DYNLRB1: variants seen among roughly 807,000 people sequenced by gnomAD.
DYNLRB1 encodes ROBL/LC7-like 1.
Under a neutral mutation model 13.5 loss-of-function variants are expected in DYNLRB1, and 6 were observed. The observed-to-expected ratio is 0.44, with a 90% confidence interval of 0.24 to 0.88. DYNLRB1 has a LOEUF of 0.88. Among genes scored for constraint, DYNLRB1 ranks in the 40% least tolerant of loss-of-function variants. The probability of loss-of-function intolerance (pLI) is 0.21; values close to 1 mark genes in which losing one functional copy is unlikely to be tolerated. For synonymous variants in DYNLRB1, 43 were observed against 45.0 expected, an observed-to-expected ratio of 0.96 and a Z score of 0.18; for missense variants, 93 against 127.2, an observed-to-expected ratio of 0.73 and a Z score of 1.29.
chr20:34,521,632 G>A (rs1254915624), intron 1 of DYNLRB1, among the ~76,000 whole-genome samples: 2 of 152,124 alleles, frequency 1.3e-5, no homozygotes, highest in African/African-American at 2.4e-5. Context: ...CTTTATTGCT[G>A]CTTGTTTTTC....
At chr20:34,519,611 A>T (rs541939546) in intron 1 of DYNLRB1, among the ~76,000 whole-genome samples, 24 of 152,310 alleles carry the variant, frequency 1.6e-4, no homozygotes, top group African/African-American at 4.3e-4. Flanking sequence ...CTGTGTTATT[A>T]TATGCAGGTC....
chr20:34,536,396 A>ATT (rs1981143643), intron 3 of DYNLRB1: 4 of 985,276 alleles, frequency 4.1e-6, no homozygotes, highest in Non-Finnish European at 4.8e-6. Context: ...TTTAAACTGC[A>ATT]GTTCCTCCCA....
chr20:34,524,451 A>T (rs2146624190), intron 1 of DYNLRB1, among the ~76,000 whole-genome samples: 1 of 152,282 alleles, frequency 6.6e-6, no homozygotes, highest in African/African-American at 2.4e-5. Flanking sequence ...GCTATTGCAA[A>T]TGTCACTGTA....
At chr20:34,516,355 T>G, upstream of DYNLRB1, 2 of 1,489,192 alleles carry the variant, frequency 1.3e-6, no homozygotes, top group Non-Finnish European at 1.8e-6. Flanking sequence ...TGGCTCCTGA[T>G]AGGCAGCTAG....
chr20:34,534,579 G>T (rs190756215), intron 2 of DYNLRB1, 49 bp from the exon 3 acceptor site: 1 of 1,517,952 alleles, frequency 6.6e-7, no homozygotes, highest in Non-Finnish European at 8.8e-7. Context: ...GTGGGAGCTC[G>T]GCAGAAGGGG....
intron 2 of DYNLRB1, among the ~76,000 whole-genome samples, chr20:34,528,311 C>CAAAAA (rs59104612): frequency 0.021 from 111 of 5,202 alleles, 40 homozygotes; most frequent in Middle Eastern, 0.5. Context: ...GACTCCGTCT[C>CAAAAA]AAAAAAAAAA....
intron 2 of DYNLRB1, chr20:34,529,723 C>T (rs1361332608): frequency 2.4e-6 from 2 of 830,890 alleles, no homozygotes; most frequent in Non-Finnish European, 3.2e-6. Context: ...GAATGAAACT[C>T]GGTCTCAAAA....
At chr20:34,518,587 A>AC (rs938617946) in intron 1 of DYNLRB1, among the ~76,000 whole-genome samples, 3 of 150,644 alleles carry the variant, frequency 2.0e-5, no homozygotes, top group African/African-American at 7.3e-5. Flanking sequence ...ATCTGGGACT[A>AC]CTGGTGCACG....
At position 34,516,472 on chromosome 20, in the gene DYNLRB1, GC is replaced by G. The variant is rs1448664308; in HGVS notation, c.3+13del. On this transcript the variant is annotated intron_variant, in intron 1 of 3. Coordinates refer to ENST00000357156, the MANE Select transcript of DYNLRB1 (RefSeq NM_014183.4). The stretch of plus-strand genomic sequence containing the variant: ...GATCGGTCGGAAATGGTGAGCGTGC[GC>G]CGGGGTCTTGTGGCTGGCGGCCGCC... 6.2e-7 allele frequency: 1 copy of G among 1,612,648 alleles called. No homozygotes were observed. The highest frequency in any genetic ancestry group is 1.7e-5 in the Admixed American group (1 of 59,908).
chr20:34,532,072 C>T (rs1980757064), intron 2 of DYNLRB1, among the ~76,000 whole-genome samples: 1 of 152,200 alleles, frequency 6.6e-6, no homozygotes, highest in African/African-American at 2.4e-5. Context: ...CAACCCAGGG[C>T]TCTACCTGGG....
intron 1 of DYNLRB1, among the ~76,000 whole-genome samples, chr20:34,525,074 G>T (rs189674698): frequency 6.6e-6 from 1 of 152,160 alleles, no homozygotes; most frequent in East Asian, 1.9e-4. Flanking sequence ...TCCAGTGTTC[G>T]AGAGTATTCT....
At chr20:34,518,734 G>T (rs116989151) in intron 1 of DYNLRB1, among the ~76,000 whole-genome samples, 1 of 151,814 alleles carries the variant, frequency 6.6e-6, no homozygotes, top group Admixed American at 6.6e-5. Flanking sequence ...GATTACAGGC[G>T]TGAGCCACCA....
chr20:34,536,078 C>A (rs1222251139), intron 3 of DYNLRB1: 1 of 985,200 alleles, frequency 1.0e-6, no homozygotes, highest in Middle Eastern at 5.2e-4. Context: ...GGGACACTCC[C>A]TAGAGGGGTG....
intron 3 of DYNLRB1, chr20:34,536,573 C>T (rs947377615): frequency 4.3e-6 from 3 of 694,868 alleles, no homozygotes; most frequent in Admixed American, 6.3e-5. Flanking sequence ...GGTGAAACCC[C>T]GTCTCTACTA....
chr20:34,535,304 T>A, intron 3 of DYNLRB1: 2 of 985,364 alleles, frequency 2.0e-6, no homozygotes, highest in Non-Finnish European at 2.4e-6. Context: ...TCTGCCCACT[T>A]GTAAAGGCCA....
intron 3 of DYNLRB1, 106 bp downstream of exon 3, chr20:34,534,901 G>T: frequency 4.4e-6 from 7 of 1,574,280 alleles, no homozygotes; most frequent in Non-Finnish European, 6.0e-6. Context: ...TCCAAGCAGG[G>T]CCCGAGGAGT....
In DYNLRB1 at chr20:34,534,767, C is replaced by T. The variant is rs1981005494; in HGVS notation, c.219C>T (p.Ser73=). 1 of 1,613,996 alleles carries T rather than the reference C, an allele frequency of 6.2e-7. No individual in the cohort carries two copies. Among genetic ancestry groups the T allele is most frequent in the African/African-American group, 1.3e-5 (1 of 74,902 alleles). ...ATCTCACCTTCCTTCGAATTCGCTCCAAGAAAAATGAAATTATGGTTGCAC... is the reference window on the plus strand; with the variant it reads ...ATCTCACCTTCCTTCGAATTCGCTCTAAGAAAAATGAAATTATGGTTGCAC... ...QNDLTFLRIR[S]KKNEIMVAPD... Residue 73 remains serine (S), a synonymous_variant, in exon 3 of 4, where the codon TCC becomes TCT. Transcript: ENST00000357156.
At chr20:34,516,677 T>G (rs748823693) in intron 1 of DYNLRB1, 61 of 1,486,588 alleles carry the variant, frequency 4.1e-5, no homozygotes, top group Non-Finnish European at 5.0e-5. Context: ...CCGCTGCCCC[T>G]TGACCGGAAG....
At chr20:34,522,301 A>G (rs982640640) in intron 1 of DYNLRB1, among the ~76,000 whole-genome samples, 3 of 152,120 alleles carry the variant, frequency 2.0e-5, no homozygotes, top group African/African-American at 7.2e-5. Context: ...CATGGAGATC[A>G]TACTAACCCA....
Sources: gnomAD v4.1 joint callset for allele counts (sites outside exome capture counted in the v4.1 genomes callset) on GRCh38, gnomAD v4.1.1 for gene constraint, MANE v1.5 for transcripts, NCBI Gene and HGNC (gene_info 2026-07-23, HGNC 2026-07-21) for gene names.